The following MDM4 variants were observed in gnomAD, a reference collection of about 807,000 sequenced individuals.
The protein encoded by MDM4 is protein Mdm4.
A neutral mutation model predicts 60.2 loss-of-function variants in MDM4; 2 were observed. The observed-to-expected ratio is 0.03, with a 90% CI of 0.01 to 0.10. MDM4 has a LOEUF of 0.10. Ranked by LOEUF, MDM4 falls within the 10% of genes least tolerant of loss-of-function variation. The probability of loss-of-function intolerance (pLI) is 1.00; values close to 1 mark genes in which losing one functional copy is unlikely to be tolerated. For missense variants in MDM4, 447 were observed against 577.5 expected, an observed-to-expected ratio of 0.77 and a Z score of 2.32; for synonymous variants, 202 against 198.1, an observed-to-expected ratio of 1.02 and a Z score of -0.17.
In MDM4 at chr1:204,550,370, G is replaced by T; in HGVS notation, c.*688G>T. 1 of 213,744 alleles carries T rather than the reference G, an allele frequency of 4.7e-6. No homozygotes were observed. The highest frequency in any genetic ancestry group is 6.9e-5 in the East Asian group (1 of 14,528). The allele number at this position is 213,744 out of a possible 1,614,324, so 13.2% of individuals were successfully genotyped here. ...TGTGGAGATGAAGTCTCACTATGTT[G>T]CCCAGGCTGGTCTCGAACTCCTGGG... On this transcript the variant is annotated 3_prime_UTR_variant, in exon 11 of 11. Coordinates refer to ENST00000367182, the MANE Select transcript of MDM4 (RefSeq NM_002393.5).
chr1:204,530,346 G>A (rs1380339552), intron 3 of MDM4, among the ~76,000 whole-genome samples: 2 of 152,138 alleles, frequency 1.3e-5, no homozygotes, highest in African/African-American at 4.8e-5. Flanking sequence ...TATAATCCAG[G>A]CAAATTACTT....
At chr1:204,541,482 C>CA (rs1323439754) in intron 7 of MDM4, among the ~76,000 whole-genome samples, 6 of 151,288 alleles carry the variant, frequency 4.0e-5, no homozygotes, top group Non-Finnish European at 7.4e-5. Flanking sequence ...TGCCCTGTCT[C>CA]AAAAAAAAGT....
intron 5 of MDM4, chr1:204,536,985 C>A: frequency 2.7e-6 from 1 of 365,632 alleles, no homozygotes; most frequent in Non-Finnish European, 5.2e-6. Context: ...ATTTCAAGAT[C>A]CCATAACCCT....
In MDM4 at chr1:204,555,135, A is replaced by G. The variant is rs1663449748; in HGVS notation, c.*5453A>G. ...ATTGAATCCCCTCTGGGAGCACAGG[A>G]CAGTTAGTAGAACTCTCCATTTCTT... On this transcript the variant is annotated 3_prime_UTR_variant, in exon 11 of 11. Coordinates refer to ENST00000367182, the MANE Select transcript of MDM4 (RefSeq NM_002393.5). The G allele has an allele frequency of 5.1e-6, 1 of 195,548 alleles. No individual in the cohort carries two copies. The highest frequency in any genetic ancestry group is 6.1e-5 in the Admixed American group (1 of 16,322). The allele number at this position is 195,548 out of a possible 1,614,324, so 12.1% of individuals were successfully genotyped here.
chr1:204,535,558 G>A (rs1661322754), intron 5 of MDM4, among the ~76,000 whole-genome samples: 1 of 151,988 alleles, frequency 6.6e-6, no homozygotes, highest in East Asian at 1.9e-4. Context: ...TTTTGAGACT[G>A]AGTCTCGCTT....
chr1:204,554,825 T>G lies in MDM4; in HGVS notation c.*5143T>G, dbSNP rs1225587555. ...CTTTATAGGAGCCATTGGATTTCTT[T>G]CCTTTTGTGGGAAATGTCCCATTAG... On this transcript the variant is annotated 3_prime_UTR_variant, in exon 11 of 11. Coordinates refer to ENST00000367182, the MANE Select transcript of MDM4 (RefSeq NM_002393.5). The G allele has an allele frequency of 1.3e-5, 3 of 225,356 alleles. No homozygotes were observed. The highest frequency in any genetic ancestry group is 6.7e-5 in the African/African-American group (3 of 44,908). 14.0% of individuals were successfully genotyped at this position (225,356 alleles called of 1,614,324 possible). A position where few individuals can be genotyped will look rare whatever the true frequency, so the allele number is the denominator to read the frequency against.
At chr1:204,543,944 T>C (rs1662387395) in intron 8 of MDM4, among the ~76,000 whole-genome samples, 1 of 152,232 alleles carries the variant, frequency 6.6e-6, no homozygotes. Flanking sequence ...TGAGTATTTG[T>C]TTAATAAATG....
intron 5 of MDM4, chr1:204,532,478 T>C (rs1193359358): frequency 2.0e-5 from 11 of 561,600 alleles, no homozygotes; most frequent in Admixed American, 3.6e-5. Context: ...TTTTGTCATA[T>C]TGCTTCATCT....
chr1:204,541,287 C>T (rs1316236491), intron 7 of MDM4, among the ~76,000 whole-genome samples: 1 of 152,018 alleles, frequency 6.6e-6, no homozygotes, highest in Admixed American at 6.6e-5. Context: ...AGCGAGACCT[C>T]GTCTCTACAA....
chr1:204,536,714 T>C (rs922376278), intron 5 of MDM4, among the ~76,000 whole-genome samples: 48 of 152,378 alleles, frequency 3.2e-4, no homozygotes, highest in Non-Finnish European at 1.6e-4. Flanking sequence ...ATTTCTCTTT[T>C]AGATTAATGT....
rs1403056233 is a variant in MDM4, at chr1:204,540,527, C to A, written c.511+2219C>A. 2.6e-5 allele frequency among the ~76,000 whole-genome samples: 4 copies of A among 152,046 alleles called. No individual in the cohort carries two copies. The East Asian group carries it at 7.7e-4, about 29-fold the overall frequency. On this transcript the variant is annotated intron_variant, in intron 7 of 10. Transcript: ENST00000367182. ...CTTGTAATCCTAGCACTTTGGGAGG[C>A]TGAGGCAGGCGGATCACCTGAGGTC...
intron 10 of MDM4, 105 bp from the exon 11 acceptor site, chr1:204,549,008 G>A: frequency 1.4e-6 from 1 of 731,292 alleles, no homozygotes; most frequent in Non-Finnish European, 2.3e-6. Context: ...GATCACTGGT[G>A]TGGAATAGCT....
chr1:204,527,548 C>T (rs1660331317), intron 3 of MDM4, among the ~76,000 whole-genome samples: 1 of 151,074 alleles, frequency 6.6e-6, no homozygotes, highest in Non-Finnish European at 1.5e-5. Flanking sequence ...GAGGCTGAGG[C>T]AGGAGAATTT....
chr1:204,522,399 T>A (rs891336855), intron 1 of MDM4, among the ~76,000 whole-genome samples: 5 of 92,126 alleles, frequency 5.4e-5, no homozygotes, highest in African/African-American at 1.9e-4. Flanking sequence ...AGCCAGGTTT[T>A]AAATTTTTTT....
At chr1:204,517,979 A>C (rs1019455761) in intron 1 of MDM4, among the ~76,000 whole-genome samples, 1 of 151,832 alleles carries the variant, frequency 6.6e-6, no homozygotes, top group African/African-American at 2.4e-5. Context: ...CTAGGCAACA[A>C]ACTGAGCCCC....
rs1251011587 is a variant in MDM4 at position 204,554,495 on chromosome 1, G to A, written c.*4813G>A. ...ATGTTTTTAGAATCAAAGATGAACC[G>A]GTAAGCTGTCTCATGTACCAAACGT... On this transcript the variant is annotated 3_prime_UTR_variant, in exon 11 of 11. Transcript: ENST00000367182. The A allele has an allele frequency of 2.7e-5, 6 of 224,956 alleles. No individual in the cohort carries two copies. Among genetic ancestry groups the A allele is most frequent in the Admixed American group, 5.7e-5 (1 of 17,510 alleles). The allele number at this position is 224,956 out of a possible 1,614,324, so 13.9% of individuals were successfully genotyped here.
chr1:204,526,210 C>A, intron 2 of MDM4, 150 bp from the exon 3 acceptor site: 1 of 626,194 alleles, frequency 1.6e-6, no homozygotes, highest in Non-Finnish European at 2.9e-6. Context: ...GACCTGTGAT[C>A]ACACCACTGC....
chr1:204,557,803 C>T lies in MDM4; in HGVS notation c.*8121C>T, dbSNP rs570136484. On this transcript the variant is annotated 3_prime_UTR_variant, in exon 11 of 11. Transcript: ENST00000367182. ...CCAAATATTTCCGATCAGAGAATCA[C>T]AAGAGCAGCAAATGTGGTTTCATCA... 2.1e-5 allele frequency: 4 copies of T among 189,270 alleles called. No individual in the cohort carries two copies. The highest frequency in any genetic ancestry group is 9.3e-5 in the African/African-American group (4 of 42,882). The allele number at this position is 189,270 out of a possible 1,614,324, so 11.7% of individuals were successfully genotyped here.
intron 5 of MDM4, chr1:204,537,123 T>C (rs2102389532): frequency 2.7e-6 from 1 of 367,246 alleles, no homozygotes; most frequent in African/African-American, 2.1e-5. Flanking sequence ...CATTATGTCC[T>C]GCTTGGAACC....
Sources: allele counts gnomAD v4.1 joint callset (sites outside exome capture counted in the v4.1 genomes callset), GRCh38; gene constraint gnomAD v4.1.1; transcripts MANE v1.5; gene names NCBI Gene and HGNC (gene_info 2026-07-23, HGNC 2026-07-21).